The following MYCBP2 variants were observed in gnomAD, a reference collection of about 807,000 sequenced individuals.
MYCBP2 encodes the protein E3 ubiquitin-protein ligase MYCBP2.
Under a neutral mutation model 525.3 loss-of-function variants are expected in MYCBP2, and 120 were observed. That is an observed-to-expected ratio of 0.23 (90% confidence interval 0.20 to 0.27). The LOEUF is 0.27. Ranked by LOEUF, MYCBP2 falls within the 10% of genes least tolerant of loss-of-function variation. MYCBP2 has a pLI of 1.00. For missense variants in MYCBP2, 4,149 were observed against 5,657.1 expected (o/e 0.73, Z 8.55); for synonymous variants, 1,894 against 1,955.8 (o/e 0.97, Z 0.83).
At chr13:77,193,877 C>A (rs2061516248) in intron 27 of MYCBP2, among the ~76,000 whole-genome samples, 2 of 152,056 alleles carry the variant, frequency 1.3e-5, no homozygotes, top group Non-Finnish European at 2.9e-5. Flanking sequence ...GTAAGAGATG[C>A]ATGAAAGTAA....
At chr13:77,182,142 G>A (rs542676195) in intron 32 of MYCBP2, among the ~76,000 whole-genome samples, 11 of 152,180 alleles carry the variant, frequency 7.2e-5, no homozygotes, top group African/African-American at 2.6e-4. Context: ...GTCTGGTCAA[G>A]AAAAATCAGG....
At chr13:77,088,611 C>T (rs897310634) in intron 61 of MYCBP2, among the ~76,000 whole-genome samples, 3 of 151,800 alleles carry the variant, frequency 2.0e-5, no homozygotes, top group African/African-American at 7.2e-5. Flanking sequence ...TAAAGCAATA[C>T]AGAAATAAAT....
rs75801480 is a variant in MYCBP2 at position 77,184,321 on chromosome 13, T to A, written c.4719+782A>T. Among the ~76,000 whole-genome samples, 364 of 152,390 alleles carry A rather than the reference T, an allele frequency of 2.4e-3. 2 individuals carry two copies. The highest frequency in any genetic ancestry group is 8.3e-3 in the African/African-American group (346 of 41,596). The stretch of plus-strand genomic sequence containing the variant: ...GATATCCTTTGCTATTGATTTTTAC[T>A]GTAATTCTACTGTGGTCTGAAAATA... On this transcript the variant is annotated intron_variant, in intron 32 of 82. Transcript: ENST00000544440.
intron 54 of MYCBP2, among the ~76,000 whole-genome samples, chr13:77,122,614 T>G (rs997949136): frequency 7.0e-6 from 1 of 142,456 alleles, no homozygotes; most frequent in Non-Finnish European, 1.5e-5. Flanking sequence ...GGCATGAACC[T>G]GGGAGGCGGA....
intron 54 of MYCBP2, among the ~76,000 whole-genome samples, chr13:77,122,299 G>A (rs2154159464): frequency 6.6e-6 from 1 of 152,062 alleles, no homozygotes; most frequent in Non-Finnish European, 1.5e-5. Flanking sequence ...GGGGGAAAAG[G>A]TATTTATTCC....
intron 3 of MYCBP2, among the ~76,000 whole-genome samples, chr13:77,279,600 A>G (rs1037898944): frequency 6.6e-6 from 1 of 152,234 alleles, no homozygotes; most frequent in African/African-American, 2.4e-5. Flanking sequence ...GAGAAGTAAC[A>G]GAAAAATTGA....
At chr13:77,073,979 C>T (rs2041840014) in intron 68 of MYCBP2, among the ~76,000 whole-genome samples, 1 of 149,670 alleles carries the variant, frequency 6.7e-6, no homozygotes, top group African/African-American at 2.5e-5. Flanking sequence ...GGTGTTAATT[C>T]CAGTCAAAAT....
chr13:77,276,773 C>G (rs998312512), intron 4 of MYCBP2, among the ~76,000 whole-genome samples: 1 of 150,218 alleles, frequency 6.7e-6, no homozygotes, highest in Non-Finnish European at 1.5e-5. Context: ...CTCGAGCGGT[C>G]CTCCCACCTT....
Position 77,257,685 on chromosome 13 carries a change from T to C in MYCBP2, c.2162A>G (p.Asn721Ser). ...TAAAGACCTACCTTTCCCACCTTGG[T>C]TCATGGCACCAGTATCTCGTCCACA... ...GQCGRDTGAM[N>S]QGGKGFGVEN... The change falls in exon 14 of 83, where the codon AAC (asparagine) becomes AGC (serine). Residue 721 changes from asparagine (N) to serine (S), a missense_variant. This residue lies in a region of MYCBP2 where 620 missense variants were observed against 795.5 expected (regional missense o/e 0.78). Transcript: ENST00000544440. 1.3e-6 allele frequency: 2 copies of C among 1,579,986 alleles called. No homozygotes were observed. The highest frequency in any genetic ancestry group is 1.7e-6 in the Non-Finnish European group (2 of 1,168,450).
At chr13:77,065,073 T>A (rs1161314665) in intron 72 of MYCBP2, among the ~76,000 whole-genome samples, 1 of 152,200 alleles carries the variant, frequency 6.6e-6, no homozygotes, top group African/African-American at 2.4e-5. Context: ...TCACTTAGCA[T>A]AAAATTTACA....
intron 18 of MYCBP2, among the ~76,000 whole-genome samples, chr13:77,227,512 ACACAC>A (rs2066462538): frequency 1.3e-5 from 2 of 151,610 alleles, no homozygotes; most frequent in South Asian, 2.1e-4. Flanking sequence ...ACACACACAC[ACACAC>A]AAATACATAT....
rs149154232 is a variant in MYCBP2, at chr13:77,097,534, T to C, written c.9620A>G (p.Lys3207Arg). ...ECEKENKKSK[K>R]EKKKKEKAEV... ...TGCCTTTTCTTTTTTCTTTTTTTCCTTTTTGGACTTCTTATTCTCTTTCTC... is the reference window on the plus strand; with the variant it reads ...TGCCTTTTCTTTTTTCTTTTTTTCCCTTTTGGACTTCTTATTCTCTTTCTC... The change falls in exon 56 of 83, where the codon AAG (lysine) becomes AGG (arginine). Residue 3207 changes from lysine to arginine, a missense_variant. Around this residue, in one of 21 missense-constraint regions of MYCBP2, gnomAD observed 653 missense variants for 744.7 expected, o/e 0.88. Transcript: ENST00000544440. The C allele has an allele frequency of 7.8e-5, 126 of 1,612,416 alleles. No homozygotes were observed. In the African/African-American group the frequency reaches 1.5e-3, roughly 20 times the overall value.
chr13:77,257,647 A>C, intron 14 of MYCBP2, 24 bp downstream of exon 14: 1 of 1,510,684 alleles, frequency 6.6e-7, no homozygotes, highest in East Asian at 2.4e-5. Flanking sequence ...CACAAATTTT[A>C]ATATCTAAGA....
intron 26 of MYCBP2, among the ~76,000 whole-genome samples, chr13:77,202,659 A>T (rs1475027788): frequency 6.6e-6 from 1 of 152,008 alleles, no homozygotes; most frequent in Non-Finnish European, 1.5e-5. Context: ...AATACTGGCA[A>T]AACGAATCCA....
At chr13:77,206,516 G>C in intron 24 of MYCBP2, 137 bp downstream of exon 24, 1 of 817,940 alleles carries the variant, frequency 1.2e-6, no homozygotes, top group Non-Finnish European at 1.7e-6. Context: ...TAGCCTCTTA[G>C]AGGATTTAAC....
At chr13:77,145,052 C>T (rs977754205) in intron 48 of MYCBP2, among the ~76,000 whole-genome samples, 4 of 152,186 alleles carry the variant, frequency 2.6e-5, no homozygotes, top group African/African-American at 9.6e-5. Context: ...TCTTCACTAA[C>T]ACCTCCCTTT....
intron 40 of MYCBP2, 82 bp from the exon 41 acceptor site, chr13:77,166,636 G>T: frequency 1.2e-6 from 1 of 830,104 alleles, no homozygotes; most frequent in Non-Finnish European, 1.8e-6. Context: ...GTGTGTGTGT[G>T]TCTATGCTTT....
At chr13:77,178,101 C>A (rs1566823926) in intron 34 of MYCBP2, 147 bp from the exon 35 acceptor site, 1 of 613,680 alleles carries the variant, frequency 1.6e-6, no homozygotes. Flanking sequence ...GAGATTAACT[C>A]ACAATAAAAC....
chr13:77,286,800 A>ATATG (rs1218940313), intron 3 of MYCBP2, among the ~76,000 whole-genome samples: 1 of 119,710 alleles, frequency 8.4e-6, no homozygotes, highest in African/African-American at 3.3e-5. Flanking sequence ...ATATATATAT[A>ATATG]TATATATATA....
Sources: gnomAD v4.1 joint callset for allele counts (sites outside exome capture counted in the v4.1 genomes callset) on GRCh38, gnomAD v4.1.1 for gene constraint, gnomAD v4.1.1 regional missense constraint, MANE v1.5 for transcripts, NCBI Gene and HGNC (gene_info 2026-07-23, HGNC 2026-07-21) for gene names.